ROR1: variants seen among roughly 807,000 people sequenced by gnomAD.
ROR1 encodes the protein ROR family WNT receptor 1.
Under a neutral mutation model 78.8 loss-of-function variants are expected in ROR1, and 19 were observed. That is an observed-to-expected ratio of 0.24 (90% CI 0.17 to 0.35). The LOEUF (loss-of-function observed/expected upper bound fraction) is 0.35. Among genes scored for constraint, ROR1 ranks in the 10% least tolerant of loss-of-function variants. The probability of loss-of-function intolerance (pLI) is 1.00; values close to 1 mark genes in which losing one functional copy is unlikely to be tolerated. For missense variants in ROR1, 917 were observed against 1,177.8 expected (o/e 0.78, Z 3.24); for synonymous variants, 386 against 433.6 (o/e 0.89, Z 1.36).
chr1:63,840,948 G>C (rs944993842), intron 1 of ROR1, among the ~76,000 whole-genome samples: 4 of 151,902 alleles, frequency 2.6e-5, no homozygotes, highest in Non-Finnish European at 5.9e-5. Flanking sequence ...GTTCCTAAGG[G>C]TCTGTGTTTC....
chr1:64,123,626 T>G (rs182356977), intron 4 of ROR1, among the ~76,000 whole-genome samples: 1 of 152,232 alleles, frequency 6.6e-6, no homozygotes, highest in Non-Finnish European at 1.5e-5. Context: ...TACAAAAGTT[T>G]TACAAAGGTG....
At chr1:64,139,013 A>G (rs1649216123) in intron 5 of ROR1, among the ~76,000 whole-genome samples, 1 of 151,934 alleles carries the variant, frequency 6.6e-6, no homozygotes, top group African/African-American at 2.4e-5. Flanking sequence ...AAAACAATAC[A>G]AATATCAGCT....
chr1:63,976,172 T>C (rs1003026624), intron 1 of ROR1, among the ~76,000 whole-genome samples: 15 of 152,138 alleles, frequency 9.9e-5, no homozygotes, highest in African/African-American at 3.6e-4. Flanking sequence ...CAAAAGGTAA[T>C]GTCATGGAGT....
intron 1 of ROR1, among the ~76,000 whole-genome samples, chr1:63,962,673 G>A (rs769780985): frequency 3.3e-5 from 5 of 152,168 alleles, no homozygotes; most frequent in Non-Finnish European, 5.9e-5. Flanking sequence ...GAGCAGAGCC[G>A]GGAGTGGAGA....
Position 63,852,623 on chromosome 1 carries a change from A to G in ROR1, c.91+78115A>G, listed in dbSNP as rs180758068. 7.2e-5 allele frequency among the ~76,000 whole-genome samples: 11 copies of G among 152,354 alleles called. No individual in the cohort carries two copies. In the East Asian group the frequency reaches 2.1e-3, roughly 29 times the overall value. ...AAATTAATTGTCCAGAAGAGGAAGA[A>G]ACCTTTGTAGACACTCACTAATGCA... On this transcript the variant is annotated intron_variant, in intron 1 of 8. Transcript: ENST00000371079.
At chr1:63,979,648 A>G (rs1646191720) in intron 1 of ROR1, among the ~76,000 whole-genome samples, 1 of 152,146 alleles carries the variant, frequency 6.6e-6, no homozygotes, top group Non-Finnish European at 1.5e-5. Flanking sequence ...ACCAGAAGCC[A>G]GTGGGCATGG....
chr1:63,967,844 A>G (rs1441590884), intron 1 of ROR1, among the ~76,000 whole-genome samples: 39 of 152,164 alleles, frequency 2.6e-4, no homozygotes, highest in Non-Finnish European at 2.9e-5. Flanking sequence ...ACCTTGGGGC[A>G]TTTGGGTTTC....
Position 64,009,340 on chromosome 1 carries a change from A to T in ROR1, c.127A>T (p.Thr43Ser). ...ELSVSAELVP[T>S]SSWNISSELN... Reference sequence around the variant, plus strand: ...GTCAGTCAGTGCTGAATTAGTGCCTACCTCATCATGGAACATCTCAAGTGA... The same window carrying T: ...GTCAGTCAGTGCTGAATTAGTGCCTTCCTCATCATGGAACATCTCAAGTGA... The change falls in exon 2 of 9, where the codon ACC becomes TCC. Residue 43 changes from threonine (T) to serine (S), a missense_variant. Physicochemically the swap from Thr to Ser is moderately conservative, Grantham distance 58. This residue lies in a region of ROR1 where 63 missense variants were observed against 57.0 expected (regional missense o/e 1.10). Transcript: ENST00000371079. 1 of 1,613,760 alleles carries T rather than the reference A, an allele frequency of 6.2e-7. No homozygotes were observed. The highest frequency in any genetic ancestry group is 8.5e-7 in the Non-Finnish European group (1 of 1,179,760).
At chr1:64,022,993 G>A (rs1013813156) in intron 2 of ROR1, among the ~76,000 whole-genome samples, 1 of 152,150 alleles carries the variant, frequency 6.6e-6, no homozygotes, top group African/African-American at 2.4e-5. Context: ...AAATGTTGAG[G>A]TAATGGAAAA....
intron 1 of ROR1, among the ~76,000 whole-genome samples, chr1:63,775,032 G>C (rs191634840): frequency 6.6e-6 from 1 of 152,154 alleles, no homozygotes; most frequent in Non-Finnish European, 1.5e-5. Flanking sequence ...CGGCGGCCTC[G>C]CATCGCCACC....
At chr1:63,854,393 CT>C (rs1463461742) in intron 1 of ROR1, among the ~76,000 whole-genome samples, 1 of 152,194 alleles carries the variant, frequency 6.6e-6, no homozygotes, top group Non-Finnish European at 1.5e-5. Context: ...TGGCTTTCTG[CT>C]TCCTTCCATG....
rs142784754 is a variant in ROR1 at position 63,847,129 on chromosome 1, T to C, written c.91+72621T>C. The stretch of plus-strand genomic sequence containing the variant: ...GAGTGAGGGAAACAGTGAGGGGAAA[T>C]CAGGAAACAGGAAGCCAGGGAGAGG... On this transcript the variant is annotated intron_variant, in intron 1 of 8. Coordinates refer to ENST00000371079, the MANE Select transcript of ROR1 (RefSeq NM_005012.4). 2.6e-3 allele frequency among the ~76,000 whole-genome samples: 392 copies of C among 152,124 alleles called. 3 individuals are homozygous for C. The highest frequency in any genetic ancestry group is 9.1e-3 in the African/African-American group (379 of 41,490).
At chr1:64,072,700 G>C (rs1337898176) in intron 4 of ROR1, among the ~76,000 whole-genome samples, 1 of 152,100 alleles carries the variant, frequency 6.6e-6, no homozygotes, top group Non-Finnish European at 1.5e-5. Flanking sequence ...GGAGAGCCGG[G>C]GTTATCTGTA....
chr1:64,021,695 G>A (rs1646566568), intron 2 of ROR1, among the ~76,000 whole-genome samples: 1 of 152,174 alleles, frequency 6.6e-6, no homozygotes, highest in Admixed American at 6.5e-5. Context: ...TGTGTGTATA[G>A]GGAGGAAAGA....
Position 64,180,555 on chromosome 1 carries a change from T to G in ROR1, c.*1700T>G, listed in dbSNP as rs1428241749. The G allele has an allele frequency of 6.6e-6, 1 of 152,208 alleles. No homozygotes were observed. Among genetic ancestry groups the G allele is most frequent in the Non-Finnish European group, 1.5e-5 (1 of 68,020 alleles). The allele number at this position is 152,208 out of a possible 1,614,324, so 9.4% of individuals were successfully genotyped here. On this transcript the variant is annotated 3_prime_UTR_variant, in exon 9 of 9. Transcript: ENST00000371079. ...TATAGGTACTGTGAACTAGAAGAAT[T>G]GGTTATATCCAGATTTCTGGGAGAT... is the stretch of plus-strand genomic sequence containing the variant.
At chr1:64,052,553 T>A (rs705535) in intron 4 of ROR1, among the ~76,000 whole-genome samples, 100,350 of 152,034 alleles carry the variant, frequency 0.66, 35,800 homozygotes, top group East Asian at 0.88. Flanking sequence ...GGTTTTTAAT[T>A]TTATACAAAG....
intron 1 of ROR1, among the ~76,000 whole-genome samples, chr1:63,834,771 A>G (rs1645010205): frequency 6.6e-6 from 1 of 152,122 alleles, no homozygotes; most frequent in Non-Finnish European, 1.5e-5. Context: ...TGGCAAGTGG[A>G]CTACTGTTCC....
chr1:63,824,241 T>C (rs1265788209), intron 1 of ROR1, among the ~76,000 whole-genome samples: 1 of 152,170 alleles, frequency 6.6e-6, no homozygotes, highest in Admixed American at 6.5e-5. Context: ...TAGTAAAGAT[T>C]TCAGGCTTTG....
At chr1:63,944,958 A>T (rs777117128) in intron 1 of ROR1, among the ~76,000 whole-genome samples, 1 of 152,164 alleles carries the variant, frequency 6.6e-6, no homozygotes, top group African/African-American at 2.4e-5. Context: ...TACCTGGGGA[A>T]GTGTTAAAAA....
Sources: gnomAD v4.1 joint callset for allele counts (sites outside exome capture counted in the v4.1 genomes callset) on GRCh38, gnomAD v4.1.1 for gene constraint, gnomAD v4.1.1 regional missense constraint, MANE v1.5 for transcripts, NCBI Gene and HGNC (gene_info 2026-07-23, HGNC 2026-07-21) for gene names.